Variants in POLR3E observed in about 807,000 individuals in gnomAD.
POLR3E encodes the protein RNA polymerase III subunit E, also known as DNA-directed RNA polymerase III subunit RPC5.
In POLR3E, 41 loss-of-function variants were observed where a neutral mutation model predicts 96.6. The ratio of observed to expected loss-of-function variants is 0.42; its 90% CI spans 0.33 to 0.55. POLR3E has a LOEUF of 0.55. POLR3E is among the 20% of genes least tolerant of loss of function. POLR3E has a pLI of 0.06. For missense variants in POLR3E, 849 were observed against 952.1 expected (o/e 0.89, Z 1.43); for synonymous variants, 396 against 383.6 (o/e 1.03, Z -0.38).
At chr16:22,315,501 G>A (rs984431712) in intron 9 of POLR3E, among the ~76,000 whole-genome samples, 2 of 152,122 alleles carry the variant, frequency 1.3e-5, no homozygotes, top group African/African-American at 2.4e-5. Context: ...ACATATTTTC[G>A]CTGCAGCCCA....
intron 2 of POLR3E, among the ~76,000 whole-genome samples, chr16:22,304,431 C>T (rs11860299): frequency 0.067 from 10,192 of 152,142 alleles, 611 homozygotes; most frequent in African/African-American, 0.15. Flanking sequence ...TAGAAGAGTC[C>T]AAGGGACTCC....
chr16:22,302,648 C>T (rs1176654955), intron 1 of POLR3E: 2 of 382,626 alleles, frequency 5.2e-6, no homozygotes, highest in Admixed American at 8.1e-5. Context: ...GAGAAGAAAC[C>T]ATTAAAGCCA....
chr16:22,307,423 C>G (rs186697836), intron 3 of POLR3E, among the ~76,000 whole-genome samples: 106 of 152,330 alleles, frequency 7.0e-4, no homozygotes, highest in African/African-American at 2.3e-3. Context: ...CTCCACCAGG[C>G]TCATTCTACA....
chr16:22,325,771 G>C lies in POLR3E; in HGVS notation c.1359G>C (p.Gly453=). Residue 453 remains glycine (G), a synonymous_variant, in exon 18 of 21, where the codon GGG becomes GGC. Coordinates refer to ENST00000299853, the MANE Select transcript of POLR3E (RefSeq NM_018119.4). ...KKPDAQSGPA[G]LVCGDQRIQV... The stretch of plus-strand genomic sequence containing the variant: ...CCTCCCTCCCCGCAGGGCCTGCCGG[G>C]CTGGTCTGTGGGGACCAGCGGATCC... The C allele has an allele frequency of 1.3e-6, 2 of 1,565,422 alleles. No homozygotes were observed. Among genetic ancestry groups the C allele is most frequent in the Non-Finnish European group, 1.7e-6 (2 of 1,156,540 alleles).
rs2048592149 is a variant in POLR3E, at chr16:22,326,297, GC to G, written c.1866+21del. Reference sequence around the variant, plus strand: ...GGTGCCTGTAAGTAGAGCCCTGCCTGCCAGGGGCATGGGGGGTGGGGGGTGG... The same window carrying G: ...GGTGCCTGTAAGTAGAGCCCTGCCTGCAGGGGCATGGGGGGTGGGGGGTGG... On this transcript the variant is annotated intron_variant, in intron 18 of 20. Transcript: ENST00000299853. 6 of 588,696 alleles carry G rather than the reference GC, an allele frequency of 1.0e-5. No individual in the cohort carries two copies. Among genetic ancestry groups the G allele is most frequent in the Non-Finnish European group, 1.8e-5 (6 of 339,522 alleles). The allele number at this position is 588,696 out of a possible 1,614,324, so 36.5% of individuals were successfully genotyped here.
intron 1 of POLR3E, chr16:22,298,839 TC>T (rs2047961641): frequency 2.7e-6 from 1 of 376,250 alleles, no homozygotes; most frequent in African/African-American, 2.1e-5. Context: ...AGTGTCAACT[TC>T]GTGCCAGGCA....
At chr16:22,303,637 C>A (rs62044796) in intron 2 of POLR3E, among the ~76,000 whole-genome samples, 1 of 122,644 alleles carries the variant, frequency 8.2e-6, no homozygotes, top group African/African-American at 5.1e-5. Context: ...AGGCAGATTT[C>A]CCTTTTTTTT....
At position 22,332,241 on chromosome 16, in the gene POLR3E, G is replaced by C; in HGVS notation, c.2070+56G>C. 4 of 1,525,744 alleles carry C rather than the reference G, an allele frequency of 2.6e-6. No homozygotes were observed. In the South Asian group the frequency reaches 4.6e-5, roughly 18 times the overall value. The allele number at this position is 1,525,744 out of a possible 1,614,324, so 94.5% of individuals were successfully genotyped here. A position where few individuals can be genotyped will look rare whatever the true frequency, so the allele number is the denominator to read the frequency against. On this transcript the variant is annotated intron_variant, in intron 20 of 20. Coordinates refer to ENST00000299853, the MANE Select transcript of POLR3E (RefSeq NM_018119.4). ...TCAAAGGCTCTGGAAGGGGCTGACAGTGTGTAGAAGGGACTCTAGTGTCTT... is the reference window on the plus strand; with the variant it reads ...TCAAAGGCTCTGGAAGGGGCTGACACTGTGTAGAAGGGACTCTAGTGTCTT...
intron 5 of POLR3E, 41 bp downstream of exon 5, chr16:22,309,081 C>A: frequency 6.6e-6 from 9 of 1,367,754 alleles, no homozygotes; most frequent in Non-Finnish European, 9.4e-6. Flanking sequence ...TCCCTGCGTT[C>A]ACACAGGAGC....
At chr16:22,331,912 T>A in intron 19 of POLR3E, 148 bp from the exon 20 acceptor site, 1 of 708,408 alleles carries the variant, frequency 1.4e-6, no homozygotes, top group Non-Finnish European at 2.4e-6. Context: ...TAGAGATGAC[T>A]TGGCTCATCT....
intron 12 of POLR3E, among the ~76,000 whole-genome samples, chr16:22,317,680 G>C: frequency 6.6e-6 from 1 of 151,344 alleles, no homozygotes; most frequent in African/African-American, 2.4e-5. Flanking sequence ...TTTTTTTAAG[G>C]TTTTTTTAAA....
At chr16:22,323,159 G>T (rs1233562642) in intron 14 of POLR3E, among the ~76,000 whole-genome samples, 1 of 152,154 alleles carries the variant, frequency 6.6e-6, no homozygotes, top group Non-Finnish European at 1.5e-5. Flanking sequence ...CAAGAAGCAC[G>T]TTTCATTCGG....
At chr16:22,331,205 C>T (rs889929375) in intron 19 of POLR3E, among the ~76,000 whole-genome samples, 12 of 152,122 alleles carry the variant, frequency 7.9e-5, no homozygotes, top group African/African-American at 2.9e-4. Flanking sequence ...TCTCGAACTC[C>T]TGACCTCAGG....
At chr16:22,323,323 GCGGTCTCCAGTTCACCACAGT>G (rs976033213) in intron 14 of POLR3E, among the ~76,000 whole-genome samples, 1 of 152,116 alleles carries the variant, frequency 6.6e-6, no homozygotes, top group African/African-American at 2.4e-5. Context: ...CAAGGCGCTG[GCGGTCTCCAGTTCACCACAGT>G]CCCAGGTGCC....
At chr16:22,328,468 G>A (rs371225216) in intron 18 of POLR3E, 42 bp from the exon 19 acceptor site, 1,486 of 1,528,898 alleles carry the variant, frequency 9.7e-4, no homozygotes, top group Non-Finnish European at 1.3e-3. Context: ...TGGATCCATG[G>A]GGTAGAGATG....
chr16:22,324,804 G>A (rs1485545112), intron 16 of POLR3E, 144 bp downstream of exon 16: 6 of 860,794 alleles, frequency 7.0e-6, no homozygotes, highest in Non-Finnish European at 1.1e-5. Context: ...GGTGTGAAGG[G>A]CAGGTGGGGG....
chr16:22,308,423 G>T lies in POLR3E; in HGVS notation c.165+198G>T. The T allele has an allele frequency of 1.0e-5, 6 of 579,766 alleles. 1 individual carries two copies. The South Asian group carries it at 1.2e-4, about 11-fold the overall frequency. 35.9% of individuals were successfully genotyped at this position (579,766 alleles called of 1,614,324 possible). On this transcript the variant is annotated intron_variant, in intron 4 of 20. Coordinates refer to ENST00000299853, the MANE Select transcript of POLR3E (RefSeq NM_018119.4). ...TCCAGAGAGGCCAGGGACGCATGAG[G>T]CTGATGAATGAGAGAATGGGGCCAG...
chr16:22,300,213 G>A (rs1157619802), intron 1 of POLR3E, among the ~76,000 whole-genome samples: 1 of 152,222 alleles, frequency 6.6e-6, no homozygotes, highest in African/African-American at 2.4e-5. Flanking sequence ...ACATATAGTA[G>A]GGACAGTTAT....
rs762820377 is a variant in POLR3E, at chr16:22,324,637, G to A, written c.1263G>A (p.Met421Ile). Residue 421 changes from methionine to isoleucine, a missense_variant, in exon 16 of 21, where the codon ATG becomes ATA. Met to Ile is a conservative substitution (Grantham distance 10). Coordinates refer to ENST00000299853, the MANE Select transcript of POLR3E (RefSeq NM_018119.4). ...KHPDVVQRQH[M>I]LWTGIQAKLE... ...CGGATGTGGTCCAGCGGCAGCACATGCTGTGGACGGGTATCCAGGCCAAGT... is the reference window on the plus strand; with the variant it reads ...CGGATGTGGTCCAGCGGCAGCACATACTGTGGACGGGTATCCAGGCCAAGT... The A allele has an allele frequency of 6.2e-7, 1 of 1,613,800 alleles. No individual in the cohort carries two copies. The highest frequency in any genetic ancestry group is 1.3e-5 in the African/African-American group (1 of 74,892).
Sources: allele counts gnomAD v4.1 joint callset (sites outside exome capture counted in the v4.1 genomes callset), GRCh38; gene constraint gnomAD v4.1.1; transcripts MANE v1.5; gene names NCBI Gene and HGNC (gene_info 2026-07-23, HGNC 2026-07-21).